DAO: variants seen among roughly 807,000 people sequenced by gnomAD.
The protein encoded by DAO is D-amino acid oxidase.
Under a neutral mutation model 50.1 loss-of-function variants are expected in DAO, and 51 were observed. The ratio of observed to expected loss-of-function variants is 1.02; its 90% CI spans 0.81 to 1.29. DAO has a LOEUF of 1.29. DAO is among the 50% of genes most tolerant of loss of function. DAO has a pLI of 0.00. For synonymous variants in DAO, 160 were observed against 166.2 expected (o/e 0.96, Z 0.29); for missense variants, 436 against 439.4 (o/e 0.99, Z 0.07).
At chr12:108,888,614 G>A (rs1345687938) in intron 3 of DAO, among the ~76,000 whole-genome samples, 2 of 152,118 alleles carry the variant, frequency 1.3e-5, no homozygotes, top group African/African-American at 2.4e-5. Flanking sequence ...GATTACAGGC[G>A]TGAACCACTG....
chr12:108,887,807 C>A (rs982646079), intron 3 of DAO, among the ~76,000 whole-genome samples: 1 of 152,188 alleles, frequency 6.6e-6, no homozygotes, highest in Non-Finnish European at 1.5e-5. Context: ...GGGAAACTAG[C>A]CTTTGATTAG....
At chr12:108,893,575 T>C (rs1404103988) in intron 6 of DAO, among the ~76,000 whole-genome samples, 1 of 152,214 alleles carries the variant, frequency 6.6e-6, no homozygotes, top group East Asian at 1.9e-4. Flanking sequence ...TAGTGCTATG[T>C]CATGAAGACT....
intron 1 of DAO, among the ~76,000 whole-genome samples, chr12:108,881,951 A>G (rs2039386471): frequency 6.6e-6 from 1 of 151,980 alleles, no homozygotes; most frequent in African/African-American, 2.4e-5. Context: ...AAAAATTCCT[A>G]CAGGCATTTT....
At chr12:108,895,640 G>T (rs913168220) in intron 7 of DAO, among the ~76,000 whole-genome samples, 4 of 145,920 alleles carry the variant, frequency 2.7e-5, no homozygotes, top group African/African-American at 1.0e-4. Flanking sequence ...GTGTGTGAGG[G>T]TATGTGTGTG....
At chr12:108,898,828 C>T (rs774152322) in intron 9 of DAO, 32 bp downstream of exon 9, 3 of 1,489,688 alleles carry the variant, frequency 2.0e-6, no homozygotes, top group African/African-American at 2.8e-5. Flanking sequence ...GTGCCCTAAA[C>T]CAAGGTCGTG....
chr12:108,885,296 G>A, intron 2 of DAO, 96 bp downstream of exon 2: 12 of 1,216,376 alleles, frequency 9.9e-6, no homozygotes, highest in Non-Finnish European at 1.3e-5. Flanking sequence ...GCCCCTTGTG[G>A]AAGCTCTGAT....
intron 10 of DAO, 72 bp from the exon 11 acceptor site, chr12:108,900,332 G>C: frequency 6.3e-7 from 1 of 1,583,666 alleles, no homozygotes; most frequent in East Asian, 2.2e-5. Context: ...AGTCTTCCAG[G>C]GCAGAAGAGC....
At chr12:108,892,617 T>C (rs2039504446) in intron 5 of DAO, among the ~76,000 whole-genome samples, 1 of 152,174 alleles carries the variant, frequency 6.6e-6, no homozygotes, top group South Asian at 2.1e-4. Context: ...CTACTCTGAA[T>C]CTCATCGCCT....
intron 6 of DAO, among the ~76,000 whole-genome samples, chr12:108,893,763 G>A (rs919051617): frequency 2.0e-5 from 3 of 152,170 alleles, no homozygotes; most frequent in Non-Finnish European, 4.4e-5. Flanking sequence ...CTCACGATGC[G>A]TGCTTGAGAT....
intron 6 of DAO, among the ~76,000 whole-genome samples, chr12:108,893,313 T>A (rs1260407393): frequency 6.6e-6 from 1 of 152,176 alleles, no homozygotes; most frequent in East Asian, 1.9e-4. Context: ...GGCCGCATTT[T>A]CTCAGTGTCA....
intron 5 of DAO, among the ~76,000 whole-genome samples, chr12:108,891,373 C>T (rs1402920394): frequency 6.6e-6 from 1 of 151,074 alleles, no homozygotes; most frequent in East Asian, 2.0e-4. Flanking sequence ...TGGCTTTATC[C>T]CGGGAAGGAG....
chr12:108,881,330 C>A (rs1207140677), intron 1 of DAO, among the ~76,000 whole-genome samples: 1 of 152,054 alleles, frequency 6.6e-6, no homozygotes, highest in Non-Finnish European at 1.5e-5. Context: ...AAATGTCCAA[C>A]CGAATAACTG....
Position 108,885,149 on chromosome 12 carries a change from CT to C in DAO, c.144del (p.Ala49ProfsTer28), listed in dbSNP as rs768084930. On this transcript the variant is annotated frameshift_variant, in exon 2 of 11. Coordinates refer to ENST00000228476, the MANE Select transcript of DAO (RefSeq NM_001917.5). LOFTEE classifies it high-confidence loss of function. The part of the protein sequence containing the change: ...RFTPLTTTDV[A>X]AGLWQPYLSD... ...ACCCCACTCACCACCACCGACGTGG[CT>C]GCCGGCCTCTGGCAGCCCTACCTTT... 6.2e-7 allele frequency: 1 copy of C among 1,613,480 alleles called. No homozygotes were observed. Among genetic ancestry groups the C allele is most frequent in the Non-Finnish European group, 8.5e-7 (1 of 1,179,560 alleles).
intron 6 of DAO, 138 bp from the exon 7 acceptor site, chr12:108,894,125 T>C (rs2039520708): frequency 1.5e-6 from 1 of 685,928 alleles, no homozygotes; most frequent in African/African-American, 1.8e-5. Flanking sequence ...CAGGCCCCTC[T>C]GATTCCTCAT....
Position 108,889,503 on chromosome 12 carries a change from G to T in DAO, c.344G>T (p.Arg115Leu). The change falls in exon 4 of 11, where the codon CGG (arginine) becomes CTG (leucine). Residue 115 changes from arginine (R) to leucine (L), a missense_variant. Arg to Leu is a moderately radical substitution (Grantham distance 102). Transcript: ENST00000228476. ...TGGAAGGACACAGTTCTGGGATTTCGGAAGCTGACCCCCAGAGAGCTGGAT... is the reference window on the plus strand; with the variant it reads ...TGGAAGGACACAGTTCTGGGATTTCTGAAGCTGACCCCCAGAGAGCTGGAT... ...PSWKDTVLGF[R>L]KLTPRELDMF... The T allele has an allele frequency of 6.2e-7, 1 of 1,612,954 alleles. No individual in the cohort carries two copies. The highest frequency in any genetic ancestry group is 1.1e-5 in the South Asian group (1 of 91,046).
At chr12:108,891,339 A>G (rs547967409) in intron 5 of DAO, among the ~76,000 whole-genome samples, 2 of 151,770 alleles carry the variant, frequency 1.3e-5, no homozygotes, top group Admixed American at 6.6e-5. Context: ...AGTCACAGCT[A>G]CTTAGGAGGC....
chr12:108,894,750 G>GT (rs2039528920), intron 7 of DAO, among the ~76,000 whole-genome samples: 1 of 151,794 alleles, frequency 6.6e-6, no homozygotes, highest in Non-Finnish European at 1.5e-5. Flanking sequence ...TTGAGACAGG[G>GT]TATCACTCCA....
At chr12:108,892,308 G>A (rs544363348) in intron 5 of DAO, among the ~76,000 whole-genome samples, 19 of 151,568 alleles carry the variant, frequency 1.3e-4, no homozygotes, top group African/African-American at 1.7e-4. Context: ...GAATACAGGC[G>A]CCTGCCACCA....
At chr12:108,893,307 G>A (rs111752164) in intron 6 of DAO, among the ~76,000 whole-genome samples, 2,230 of 152,204 alleles carry the variant, frequency 0.015, 51 homozygotes, top group African/African-American at 0.048. Context: ...AGAGCTGGCC[G>A]CATTTTCTCA....
Sources: gnomAD v4.1 joint callset for allele counts (sites outside exome capture counted in the v4.1 genomes callset) on GRCh38, gnomAD v4.1.1 for gene constraint, MANE v1.5 for transcripts, NCBI Gene and HGNC (gene_info 2026-07-23, HGNC 2026-07-21) for gene names.